The following MORN5 variants were observed in gnomAD, a reference collection of about 807,000 sequenced individuals.
MORN5 encodes MORN repeat containing 5, also known as MORN repeat-containing protein 5.
A neutral mutation model predicts 22.1 loss-of-function variants in MORN5; 21 were observed. The observed-to-expected ratio is 0.95, with a 90% CI of 0.67 to 1.37. The LOEUF is 1.37. Ranked by LOEUF, MORN5 falls within the 40% of genes most tolerant of loss-of-function variation. The probability of loss-of-function intolerance (pLI) is 0.00; values close to 1 mark genes in which losing one functional copy is unlikely to be tolerated. For synonymous variants in MORN5, 73 were observed against 74.0 expected, an observed-to-expected ratio of 0.99 and a Z score of 0.07; for missense variants, 211 against 215.1, an observed-to-expected ratio of 0.98 and a Z score of 0.12.
At chr9:122,179,728 G>C (rs969165260) in intron 4 of MORN5, among the ~76,000 whole-genome samples, 1 of 152,190 alleles carries the variant, frequency 6.6e-6, no homozygotes, top group Non-Finnish European at 1.5e-5. Flanking sequence ...CTAAAAAGGA[G>C]TCTCTGTTTG....
At chr9:122,170,718 C>T (rs1459338440) in intron 3 of MORN5, among the ~76,000 whole-genome samples, 1 of 152,154 alleles carries the variant, frequency 6.6e-6, no homozygotes, top group African/African-American at 2.4e-5. Context: ...TATCATGCTA[C>T]CTCCCTGCAA....
At chr9:122,167,374 T>TTTG in intron 2 of MORN5, among the ~76,000 whole-genome samples, 1 of 129,350 alleles carries the variant, frequency 7.7e-6, no homozygotes, top group Admixed American at 7.3e-5. Flanking sequence ...TTTTTTTTTT[T>TTTG]GAAAACGAGT....
At chr9:122,190,141 C>T (rs1038341633) in intron 4 of MORN5, among the ~76,000 whole-genome samples, 2 of 152,050 alleles carry the variant, frequency 1.3e-5, no homozygotes, top group African/African-American at 4.8e-5. Context: ...CAGGCATGGC[C>T]CCTTGCACAC....
chr9:122,180,914 T>A (rs1206569416), intron 4 of MORN5, among the ~76,000 whole-genome samples: 1 of 152,128 alleles, frequency 6.6e-6, no homozygotes, highest in Non-Finnish European at 1.5e-5. Flanking sequence ...CTCACATGAG[T>A]CCCATGAGTT....
chr9:122,172,609 A>G (rs1439032331), intron 3 of MORN5, among the ~76,000 whole-genome samples: 1 of 152,042 alleles, frequency 6.6e-6, no homozygotes, highest in Non-Finnish European at 1.5e-5. Flanking sequence ...TTCCCACACT[A>G]GGTAAGGTCT....
chr9:122,161,464 C>A (rs770771153), intron 1 of MORN5, among the ~76,000 whole-genome samples: 6 of 152,196 alleles, frequency 3.9e-5, no homozygotes, highest in Non-Finnish European at 8.8e-5. Flanking sequence ...CTCCCTCTCA[C>A]TACTCAGTGA....
At chr9:122,181,503 A>C (rs947273716) in intron 4 of MORN5, among the ~76,000 whole-genome samples, 3 of 152,236 alleles carry the variant, frequency 2.0e-5, no homozygotes, top group African/African-American at 7.2e-5. Flanking sequence ...CATTGGGACC[A>C]TAAAGCCTTA....
chr9:122,180,429 G>A (rs1829520487), intron 4 of MORN5, among the ~76,000 whole-genome samples: 1 of 151,804 alleles, frequency 6.6e-6, no homozygotes, highest in Non-Finnish European at 1.5e-5. Context: ...GGGACTACAG[G>A]CACACACCAC....
chr9:122,194,971 G>A (rs1685573850), intron 4 of MORN5, among the ~76,000 whole-genome samples: 1 of 151,054 alleles, frequency 6.6e-6, no homozygotes, highest in African/African-American at 2.4e-5. Context: ...AGTGAGCTGA[G>A]ATCGCGCCAT....
intron 1 of MORN5, among the ~76,000 whole-genome samples, chr9:122,164,117 GT>G (rs1564414499): frequency 6.6e-6 from 1 of 152,166 alleles, no homozygotes; most frequent in Non-Finnish European, 1.5e-5. Context: ...CTATAAAGTG[GT>G]TTTTTTCTTC....
chr9:122,189,539 G>A (rs918422630), intron 4 of MORN5, among the ~76,000 whole-genome samples: 3 of 152,200 alleles, frequency 2.0e-5, no homozygotes, highest in South Asian at 2.1e-4. Context: ...AGAGGCTGAA[G>A]TGAGCCATGA....
intron 4 of MORN5, among the ~76,000 whole-genome samples, chr9:122,185,575 T>C (rs1829614976): frequency 6.6e-6 from 1 of 151,942 alleles, no homozygotes; most frequent in Non-Finnish European, 1.5e-5. Flanking sequence ...TTAGCCAGGA[T>C]GGTCTCGATC....
intron 4 of MORN5, among the ~76,000 whole-genome samples, chr9:122,185,953 A>G (rs1829624938): frequency 6.6e-6 from 1 of 152,222 alleles, no homozygotes; most frequent in Admixed American, 6.5e-5. Context: ...CCAGCGAGAC[A>G]AAAGGCAATT....
chr9:122,160,596 C>T (rs578000819), intron 1 of MORN5, among the ~76,000 whole-genome samples: 11 of 149,144 alleles, frequency 7.4e-5, no homozygotes, highest in Admixed American at 6.7e-4. Context: ...CTACCTTCCT[C>T]TCTTTCTTTC....
intron 4 of MORN5, among the ~76,000 whole-genome samples, chr9:122,178,493 A>C (rs1199635395): frequency 1.3e-5 from 2 of 152,194 alleles, no homozygotes; most frequent in Non-Finnish European, 1.5e-5. Flanking sequence ...CTCTCAAAAC[A>C]AAACAAAACA....
intron 2 of MORN5, among the ~76,000 whole-genome samples, chr9:122,168,333 G>A (rs1455146209): frequency 1.3e-5 from 2 of 152,194 alleles, no homozygotes; most frequent in Non-Finnish European, 2.9e-5. Context: ...TGTGAGTCAT[G>A]AATAGAATTC....
At chr9:122,193,493 G>A (rs1829819356) in intron 4 of MORN5, among the ~76,000 whole-genome samples, 1 of 152,216 alleles carries the variant, frequency 6.6e-6, no homozygotes, top group African/African-American at 2.4e-5. Flanking sequence ...ACTGAGGCAG[G>A]AGAATCGCTT....
intron 3 of MORN5, among the ~76,000 whole-genome samples, chr9:122,171,890 C>T (rs566396908): frequency 1.3e-5 from 2 of 151,856 alleles, no homozygotes; most frequent in East Asian, 1.9e-4. Flanking sequence ...GACCTGACTC[C>T]GGAGATCCCC....
chr9:122,165,615 G>A (rs1204215908), intron 1 of MORN5, among the ~76,000 whole-genome samples: 1 of 151,962 alleles, frequency 6.6e-6, no homozygotes, highest in Non-Finnish European at 1.5e-5. Context: ...CTAGTCAACT[G>A]GTCAAGCTGG....
Sources: allele counts gnomAD v4.1 joint callset (sites outside exome capture counted in the v4.1 genomes callset), GRCh38; gene constraint gnomAD v4.1.1; transcripts MANE v1.5; gene names NCBI Gene and HGNC (gene_info 2026-07-23, HGNC 2026-07-21).